Variants in CHRM3 observed in about 807,000 individuals in gnomAD.
CHRM3 encodes cholinergic receptor muscarinic 3.
In CHRM3, 11 loss-of-function variants were observed where a neutral mutation model predicts 41.8. The ratio of observed to expected loss-of-function variants is 0.26; its 90% CI spans 0.17 to 0.44. CHRM3 has a LOEUF of 0.44. Among genes scored for constraint, CHRM3 ranks in the 20% least tolerant of loss-of-function variants. The probability of loss-of-function intolerance (pLI) is 1.00; values close to 1 mark genes in which losing one functional copy is unlikely to be tolerated. For synonymous variants in CHRM3, 297 were observed against 301.4 expected, an observed-to-expected ratio of 0.99 and a Z score of 0.15; for missense variants, 571 against 745.4, an observed-to-expected ratio of 0.77 and a Z score of 2.72.
intron 5 of CHRM3, among the ~76,000 whole-genome samples, chr1:239,805,263 A>T (rs376289227): frequency 2.6e-5 from 4 of 152,216 alleles, no homozygotes; most frequent in African/African-American, 7.2e-5. Context: ...CGCAGATGAC[A>T]TGACCTCTGG....
At chr1:239,591,069 CTG>C (rs933452141) in intron 3 of CHRM3, among the ~76,000 whole-genome samples, 4 of 152,178 alleles carry the variant, frequency 2.6e-5, no homozygotes, top group African/African-American at 9.6e-5. Flanking sequence ...ATAATAGGTT[CTG>C]TGTGTTACAT....
rs776959114 is a variant in CHRM3 at position 239,908,753 on chromosome 1, C to T, written c.1302C>T (p.Ala434=). The T allele has an allele frequency of 7.4e-6, 12 of 1,613,842 alleles. No homozygotes were observed. Among genetic ancestry groups the T allele is most frequent in the Admixed American group, 1.7e-5 (1 of 59,986 alleles). The part of the protein sequence containing the change: ...FSKLPIQLES[A]VDTAKTSDVN... ...AGCTTCCCATCCAGCTAGAGTCAGC[C>T]GTGGACACAGCTAAGACTTCTGACG... Residue 434 remains alanine (A), a synonymous_variant, in exon 7 of 7, where the codon GCC becomes GCT. Coordinates refer to ENST00000676153, the MANE Select transcript of CHRM3 (RefSeq NM_001375978.1). The surrounding 1 kb of genome is among the most constrained non-coding windows in gnomAD (Gnocchi z 7.2).
At chr1:239,562,695 C>A (rs1038421737) in intron 3 of CHRM3, among the ~76,000 whole-genome samples, 10 of 152,150 alleles carry the variant, frequency 6.6e-5, no homozygotes, top group African/African-American at 2.4e-4. Flanking sequence ...CAACACCAGC[C>A]TTGTCAACAT....
chr1:239,763,638 G>A lies in CHRM3; in HGVS notation c.-146-63614G>A, dbSNP rs535710296. Among the ~76,000 whole-genome samples the A allele has an allele frequency of 2.6e-5, 4 of 152,238 alleles. No homozygotes were observed. In the South Asian group the frequency reaches 8.3e-4, roughly 32 times the overall value. On this transcript the variant is annotated intron_variant, in intron 5 of 6. Transcript: ENST00000676153. ...TAAATATTATTGTCTGTAATCTGGA[G>A]ATCTGCCCCCACCCCCGAAAAAGTG...
chr1:239,862,613 A>AT (rs1675729910), intron 6 of CHRM3, among the ~76,000 whole-genome samples: 1 of 152,200 alleles, frequency 6.6e-6, no homozygotes, highest in African/African-American at 2.4e-5. Context: ...AAATAATTAA[A>AT]TGTACTGTTT....
At chr1:239,432,246 T>A (rs1022797460) in intron 1 of CHRM3, among the ~76,000 whole-genome samples, 1 of 152,296 alleles carries the variant, frequency 6.6e-6, no homozygotes, top group African/African-American at 2.4e-5. Flanking sequence ...GCCTACATAG[T>A]CATTTTATAA....
At chr1:239,823,473 A>T (rs779565828) in intron 5 of CHRM3, among the ~76,000 whole-genome samples, 4 of 152,144 alleles carry the variant, frequency 2.6e-5, no homozygotes, top group Non-Finnish European at 5.9e-5. Flanking sequence ...AGCCCGGCTT[A>T]TGCTGGTTTT....
At chr1:239,479,010 C>G (rs1666644671) in intron 1 of CHRM3, among the ~76,000 whole-genome samples, 1 of 152,106 alleles carries the variant, frequency 6.6e-6, no homozygotes, top group South Asian at 2.1e-4. Context: ...TGGGGAAACC[C>G]TGTCTCTATG....
Position 239,404,464 on chromosome 1 carries a change from AAGAAAAAG to A in CHRM3, c.-521+17239_-521+17246del, listed in dbSNP as rs1446163112. ...AAAGAAAGAAAGAAAGAAAGAAAGA[AAGAAAAAG>A]AAAGAAAGAAAGGAACATTTATTTT... On this transcript the variant is annotated intron_variant, in intron 1 of 6. Transcript: ENST00000676153. Among the ~76,000 whole-genome samples, 173 of 125,874 alleles carry A rather than the reference AAGAAAAAG, an allele frequency of 1.4e-3. 2 individuals are homozygous for A. Among genetic ancestry groups the A allele is most frequent in the African/African-American group, 4.9e-3 (169 of 34,690 alleles). 82.6% of individuals were successfully genotyped at this position (125,874 alleles called of 152,430 possible).
rs186165096 is a variant in CHRM3 at position 239,653,741 on chromosome 1, A to G, written c.-250+21455A>G. Reference sequence around the variant, plus strand: ...TAGAGGAGAATTTCTATGGAGGATCAGAGAAAGGAGTGATTGCCTCTGGTC... The same window carrying G: ...TAGAGGAGAATTTCTATGGAGGATCGGAGAAAGGAGTGATTGCCTCTGGTC... On this transcript the variant is annotated intron_variant, in intron 4 of 6. Coordinates refer to ENST00000676153, the MANE Select transcript of CHRM3 (RefSeq NM_001375978.1). Among the ~76,000 whole-genome samples, 247 of 152,318 alleles carry G rather than the reference A, an allele frequency of 1.6e-3. 1 individual carries two copies. Among genetic ancestry groups the G allele is most frequent in the African/African-American group, 5.7e-3 (239 of 41,574 alleles).
chr1:239,607,186 C>T (rs1420314566), intron 3 of CHRM3, among the ~76,000 whole-genome samples: 1 of 152,116 alleles, frequency 6.6e-6, no homozygotes, highest in Non-Finnish European at 1.5e-5. Context: ...AGGCTAACCC[C>T]ATTCTTTCCC....
At chr1:239,898,830 A>ATT (rs1454575832) in intron 6 of CHRM3, among the ~76,000 whole-genome samples, 1 of 152,130 alleles carries the variant, frequency 6.6e-6, no homozygotes, top group Non-Finnish European at 1.5e-5. Context: ...CACACTGGAT[A>ATT]TTTACACATT....
Position 239,864,793 on chromosome 1 carries a change from G to A in CHRM3, c.-20+37415G>A, listed in dbSNP as rs73131032. Among the ~76,000 whole-genome samples the A allele has an allele frequency of 2.0e-3, 306 of 152,188 alleles. 1 individual carries two copies. Among genetic ancestry groups the A allele is most frequent in the African/African-American group, 7.0e-3 (291 of 41,528 alleles). On this transcript the variant is annotated intron_variant, in intron 6 of 6. Transcript: ENST00000676153. ...TGATTCTCTACCTATAGAATCGTGT[G>A]TAAATTAAACTATTTTGAGATATCA... is the stretch of plus-strand genomic sequence containing the variant.
chr1:239,606,054 G>T (rs573553678), intron 3 of CHRM3: 27 of 152,250 alleles, frequency 1.8e-4, no homozygotes, highest in Admixed American at 1.6e-3. Context: ...ATTGTAGTAC[G>T]CAGAGTGCGG....
chr1:239,904,062 A>T (rs1679781331), intron 6 of CHRM3, among the ~76,000 whole-genome samples: 2 of 152,188 alleles, frequency 1.3e-5, no homozygotes, highest in African/African-American at 4.8e-5. Flanking sequence ...GCATTACATT[A>T]TTTATAATAA....
chr1:239,595,549 T>A (rs1664683778), intron 3 of CHRM3, among the ~76,000 whole-genome samples: 1 of 152,230 alleles, frequency 6.6e-6, no homozygotes, highest in Non-Finnish European at 1.5e-5. Context: ...ATTTCCAAGA[T>A]GTTTGCTTAC....
intron 1 of CHRM3, among the ~76,000 whole-genome samples, chr1:239,392,691 C>T (rs190568447): frequency 5.8e-4 from 88 of 152,324 alleles, no homozygotes; most frequent in Non-Finnish European, 9.3e-4. Context: ...TGCTCTTCTA[C>T]TGAAGCCTTC....
intron 5 of CHRM3, among the ~76,000 whole-genome samples, chr1:239,716,432 A>G (rs1662372103): frequency 6.6e-6 from 1 of 152,068 alleles, no homozygotes; most frequent in Non-Finnish European, 1.5e-5. Context: ...GGAGCTATAA[A>G]GCAGGTGCTG....
intron 6 of CHRM3, among the ~76,000 whole-genome samples, chr1:239,898,617 T>C (rs1366667376): frequency 6.6e-6 from 1 of 152,236 alleles, no homozygotes; most frequent in Non-Finnish European, 1.5e-5. Flanking sequence ...AGAATTAATT[T>C]AGACTTCTAG....
Sources: gnomAD v4.1 joint callset for allele counts (sites outside exome capture counted in the v4.1 genomes callset) on GRCh38, gnomAD v4.1.1 for gene constraint, Gnocchi (gnomAD v3.1) non-coding constraint, MANE v1.5 for transcripts, NCBI Gene and HGNC (gene_info 2026-07-23, HGNC 2026-07-21) for gene names.